The following OVCH1 variants were observed in gnomAD, a reference collection of about 807,000 sequenced individuals.
OVCH1 encodes the protein ovochymase-1.
OVCH1 carries 139 observed loss-of-function variants against 138.4 expected under a neutral mutation model. That is an observed-to-expected ratio of 1.00 (90% CI 0.87 to 1.16). The LOEUF (loss-of-function observed/expected upper bound fraction) is 1.16. Among genes scored for constraint, OVCH1 ranks in the 50% most tolerant of loss-of-function variants. OVCH1 has a pLI of 0.00. For synonymous variants in OVCH1, 453 were observed against 467.8 expected (o/e 0.97, Z 0.41); for missense variants, 1,367 against 1,357.9 (o/e 1.01, Z -0.11).
chr12:29,462,894 C>A (rs1302378318), intron 18 of OVCH1, among the ~76,000 whole-genome samples: 1 of 152,134 alleles, frequency 6.6e-6, no homozygotes, highest in Non-Finnish European at 1.5e-5. Context: ...AACTCCTCTT[C>A]TTGGGGACCA....
At chr12:29,402,180 C>T in the OVCH1 span, among the ~76,000 whole-genome samples, 1 of 151,782 alleles carries the variant, frequency 6.6e-6, no homozygotes, top group South Asian at 2.1e-4. Flanking sequence ...ACATTTCATA[C>T]AATACAACTT....
At chr12:29,462,350 T>C (rs2135975547) in intron 18 of OVCH1, among the ~76,000 whole-genome samples, 1 of 149,856 alleles carries the variant, frequency 6.7e-6, no homozygotes, top group East Asian at 1.9e-4. Context: ...GTGTCACATA[T>C]AACTTATACA....
chr12:29,486,790 A>G, intron 7 of OVCH1: 1 of 379,766 alleles, frequency 2.6e-6, no homozygotes, highest in Middle Eastern at 3.7e-4. Context: ...CACTGAAATG[A>G]ACCATTAATG....
the OVCH1 span, among the ~76,000 whole-genome samples, chr12:29,404,238 G>C: frequency 6.6e-6 from 1 of 152,276 alleles, no homozygotes; most frequent in Non-Finnish European, 1.5e-5. Context: ...TGTGAAGGTG[G>C]TGCAGTGGGA....
intron 26 of OVCH1, among the ~76,000 whole-genome samples, chr12:29,435,398 G>A (rs554140986): frequency 1.0e-3 from 156 of 152,194 alleles, no homozygotes; most frequent in Non-Finnish European, 1.3e-3. Flanking sequence ...ACGGAGTCTC[G>A]CTCTGTCGTC....
At chr12:29,473,101 A>T (rs780773263) in exon 15 of OVCH1, 2 of 1,596,452 alleles carry the variant, frequency 1.3e-6, no homozygotes, top group Admixed American at 3.4e-5. Flanking sequence ...TTGTTTAAAG[A>T]CTCTGTAGAA....
chr12:29,423,471 A>G (rs939466077), downstream of OVCH1, among the ~76,000 whole-genome samples: 17 of 152,348 alleles, frequency 1.1e-4, no homozygotes, highest in East Asian at 3.9e-4. Flanking sequence ...GAGTGCCACA[A>G]TGGAAGAGTA....
At chr12:29,476,447 G>C in intron 12 of OVCH1, 148 bp from the exon 13 acceptor site, 1 of 676,382 alleles carries the variant, frequency 1.5e-6, no homozygotes, top group Non-Finnish European at 2.6e-6. Flanking sequence ...TCTTTGAAGG[G>C]CAATTTGGCA....
chr12:29,488,032 C>A, intron 6 of OVCH1, 150 bp from the exon 7 acceptor site: 1 of 752,760 alleles, frequency 1.3e-6, no homozygotes, highest in South Asian at 2.2e-5. Context: ...TTTGTTTATC[C>A]ATTTTCTTGT....
chr12:29,496,141 G>T, intron 3 of OVCH1, 40 bp downstream of exon 3: 1 of 1,525,070 alleles, frequency 6.6e-7, no homozygotes, highest in East Asian at 2.3e-5. Flanking sequence ...CGCATAGCCA[G>T]GAATCAAGGC....
rs575528377 is a variant in OVCH1, at chr12:29,451,537, T to C, written c.2563A>G (p.Arg855Gly). ...TACCGTGGTGTGGGAAAAAAGCCTC[T>C]AGGCTTTTCTAGCTCTGCTTCAGAG... Residue 855 changes from arginine (R) to glycine (G), a missense_variant, in exon 22 of 28, where the codon AGA becomes GGA. Transcript: ENST00000318184. The C allele has an allele frequency of 5.0e-6, 8 of 1,612,232 alleles. No homozygotes were observed. In the Admixed American group the frequency reaches 8.4e-5, roughly 17 times the overall value.
At chr12:29,466,196 T>C (rs1181210511) in intron 16 of OVCH1, among the ~76,000 whole-genome samples, 2 of 151,954 alleles carry the variant, frequency 1.3e-5, no homozygotes, top group East Asian at 3.9e-4. Context: ...TGTATGCATA[T>C]GTAACAAACC....
At chr12:29,423,074 T>C, downstream of OVCH1, 1 of 356,464 alleles carries the variant, frequency 2.8e-6, no homozygotes, top group Non-Finnish European at 5.5e-6. Flanking sequence ...CAGGTTCTAC[T>C]TCAAAGCTTA....
chr12:29,443,336 TAGAG>T, intron 25 of OVCH1, 21 bp downstream of exon 25: 1 of 1,604,374 alleles, frequency 6.2e-7, no homozygotes, highest in Non-Finnish European at 8.5e-7. Flanking sequence ...ATCAGTAGCA[TAGAG>T]ATTCATGGGA....
intron 3 of OVCH1, among the ~76,000 whole-genome samples, chr12:29,417,726 G>A (rs1389546125): frequency 1.3e-5 from 2 of 151,938 alleles, no homozygotes; most frequent in African/African-American, 4.8e-5. Flanking sequence ...CTGAGATTGT[G>A]ACTTAATTTG....
chr12:29,495,440 A>G (rs1356251523), exon 4 of OVCH1: 2 of 1,613,050 alleles, frequency 1.2e-6, no homozygotes, highest in South Asian at 1.1e-5. Flanking sequence ...AGTCACAGTT[A>G]TATTCTTCAG....
At chr12:29,402,732 G>A in the OVCH1 span, among the ~76,000 whole-genome samples, 1 of 151,894 alleles carries the variant, frequency 6.6e-6, no homozygotes, top group Non-Finnish European at 1.5e-5. Flanking sequence ...GAGGTGAAAA[G>A]GGAGAGATGG....
the OVCH1 span, among the ~76,000 whole-genome samples, chr12:29,407,030 T>A: frequency 1.1e-3 from 174 of 152,226 alleles, 1 homozygote; most frequent in East Asian, 0.026. Context: ...TCGTTGTGGT[T>A]TTGATTTGCG....
downstream of OVCH1, among the ~76,000 whole-genome samples, chr12:29,426,486 C>G (rs114882371): frequency 3.9e-5 from 6 of 152,194 alleles, no homozygotes; most frequent in Admixed American, 1.3e-4. Flanking sequence ...AAATCCTCCA[C>G]TAGCTCAAGA....
Sources: allele counts gnomAD v4.1 joint callset (sites outside exome capture counted in the v4.1 genomes callset), GRCh38; gene constraint gnomAD v4.1.1; transcripts MANE v1.5; gene names NCBI Gene and HGNC (gene_info 2026-07-23, HGNC 2026-07-21).